PCDH15: variants seen among roughly 807,000 people sequenced by gnomAD.
PCDH15 encodes the protein protocadherin related 15, also known as protocadherin-15.
PCDH15 carries 129 observed loss-of-function variants against 178.5 expected under a neutral mutation model. The observed-to-expected ratio is 0.72, with a 90% CI of 0.63 to 0.84. PCDH15 has a LOEUF of 0.84. Among genes scored for constraint, PCDH15 ranks in the 40% least tolerant of loss-of-function variants. PCDH15 has a pLI of 0.00. For missense variants in PCDH15, 2,230 were observed against 2,099.9 expected (o/e 1.06, Z -1.21); for synonymous variants, 800 against 732.0 (o/e 1.09, Z -1.50).
chr10:55,009,051 C>T (rs1839993575), intron 2 of PCDH15, among the ~76,000 whole-genome samples: 1 of 152,088 alleles, frequency 6.6e-6, no homozygotes, highest in African/African-American at 2.4e-5. Flanking sequence ...TATCCGGTAC[C>T]TTGTAAATTA....
intron 2 of PCDH15, among the ~76,000 whole-genome samples, chr10:55,577,086 A>T (rs1842510670): frequency 6.6e-6 from 1 of 151,984 alleles, no homozygotes; most frequent in Admixed American, 6.6e-5. Context: ...TGCTAAAAAT[A>T]CAAAAATTAG....
chr10:55,531,675 G>A (rs1589115652), intron 2 of PCDH15, among the ~76,000 whole-genome samples: 1 of 151,986 alleles, frequency 6.6e-6, no homozygotes, highest in African/African-American at 2.4e-5. Flanking sequence ...TAAAATTATT[G>A]TGCAGGAATT....
At chr10:54,096,647 T>G (rs74135787) in intron 15 of PCDH15, among the ~76,000 whole-genome samples, 1 of 152,126 alleles carries the variant, frequency 6.6e-6, no homozygotes, top group Non-Finnish European at 1.5e-5. Flanking sequence ...TACACTTACA[T>G]AGTAGAAACA....
intron 3 of PCDH15, among the ~76,000 whole-genome samples, chr10:54,850,569 T>C (rs1289304701): frequency 6.6e-6 from 1 of 152,136 alleles, no homozygotes; most frequent in Non-Finnish European, 1.5e-5. Context: ...CTTAGGCATA[T>C]ATTTAATATT....
chr10:55,188,957 TA>T (rs1158707102), intron 1 of PCDH15, among the ~76,000 whole-genome samples: 1 of 151,748 alleles, frequency 6.6e-6, no homozygotes, highest in Admixed American at 6.6e-5. Context: ...AATCAACAAT[TA>T]AAAAAATAAA....
intron 1 of PCDH15, among the ~76,000 whole-genome samples, chr10:55,270,166 C>G (rs1842405070): frequency 6.6e-6 from 1 of 152,104 alleles, no homozygotes; most frequent in Non-Finnish European, 1.5e-5. Context: ...TGCAAGGCCT[C>G]AAATCCTATA....
intron 8 of PCDH15, among the ~76,000 whole-genome samples, chr10:54,264,258 C>T (rs979382149): frequency 1.3e-5 from 2 of 152,100 alleles, no homozygotes; most frequent in African/African-American, 4.8e-5. Flanking sequence ...AGAACTCTGA[C>T]TAATACAAAC....
At chr10:54,565,942 G>A (rs771912433) in intron 2 of PCDH15, among the ~76,000 whole-genome samples, 1 of 152,096 alleles carries the variant, frequency 6.6e-6, no homozygotes, top group Non-Finnish European at 1.5e-5. Context: ...AAATTAGCCA[G>A]GTGTGGTGAT....
At chr10:54,600,779 CCAGA>C (rs1412199111) in intron 2 of PCDH15, 11 of 444,362 alleles carry the variant, frequency 2.5e-5, no homozygotes, top group Non-Finnish European at 4.7e-5. Context: ...CATAGGGGCT[CCAGA>C]CATTGTATTT....
chr10:55,144,761 G>T (rs1158240487), intron 2 of PCDH15, among the ~76,000 whole-genome samples: 2 of 151,982 alleles, frequency 1.3e-5, no homozygotes, highest in African/African-American at 2.4e-5. Flanking sequence ...AACAAACAGG[G>T]TTATATAATT....
chr10:55,118,114 C>T (rs1394880125), intron 2 of PCDH15, among the ~76,000 whole-genome samples: 2 of 152,064 alleles, frequency 1.3e-5, no homozygotes, highest in East Asian at 3.9e-4. Context: ...ATCTGACACC[C>T]CAGCTGCCAT....
intron 2 of PCDH15, among the ~76,000 whole-genome samples, chr10:55,374,094 A>ATAATAG (rs1845566341): frequency 8.5e-6 from 1 of 117,816 alleles, no homozygotes; most frequent in African/African-American, 2.9e-5. Flanking sequence ...TATAATAATA[A>ATAATAG]TAATAATAAT....
intron 1 of PCDH15, among the ~76,000 whole-genome samples, chr10:54,752,125 T>C (rs1033188808): frequency 6.6e-6 from 1 of 152,180 alleles, no homozygotes; most frequent in Non-Finnish European, 1.5e-5. Context: ...GGAATATGTA[T>C]AAGCACTAAA....
chr10:54,117,217 G>A (rs749119540), intron 15 of PCDH15, among the ~76,000 whole-genome samples: 17 of 152,270 alleles, frequency 1.1e-4, no homozygotes, highest in Non-Finnish European at 1.9e-4. Flanking sequence ...TCCAGTCACT[G>A]AGCACAGCCA....
At chr10:53,960,433 T>G (rs1167728282) in intron 22 of PCDH15, among the ~76,000 whole-genome samples, 1 of 152,192 alleles carries the variant, frequency 6.6e-6, no homozygotes. Flanking sequence ...GTTCATTTGG[T>G]ATAGCAGAAA....
At chr10:54,774,007 C>CTTTTTTTTTTTTTTTTTTTTTTTTTTT (rs763704132) in intron 1 of PCDH15, among the ~76,000 whole-genome samples, 1 of 75,378 alleles carries the variant, frequency 1.3e-5, no homozygotes, top group Admixed American at 2.0e-4. Context: ...ACTTCATAGG[C>CTTTTTTTTTTTTTTTTTTTTTTTTTTT]TTTTTTTTTT....
intron 2 of PCDH15, among the ~76,000 whole-genome samples, chr10:55,622,807 C>A (rs1837434017): frequency 6.6e-6 from 1 of 152,088 alleles, no homozygotes. Flanking sequence ...GGCAAATGTC[C>A]TCTCCCCACT....
chr10:54,540,689 G>T (rs943083695), intron 2 of PCDH15, among the ~76,000 whole-genome samples: 2 of 152,006 alleles, frequency 1.3e-5, no homozygotes, highest in Non-Finnish European at 2.9e-5. Context: ...ACCAAAACCT[G>T]TTAAAGACAC....
At chr10:54,059,806 A>G (rs746832220) in intron 18 of PCDH15, among the ~76,000 whole-genome samples, 3 of 152,238 alleles carry the variant, frequency 2.0e-5, no homozygotes, top group Admixed American at 1.3e-4. Context: ...AATCCTGTAT[A>G]GTAGAGTGGT....
Sources: allele counts gnomAD v4.1 joint callset (sites outside exome capture counted in the v4.1 genomes callset), GRCh38; gene constraint gnomAD v4.1.1; transcripts MANE v1.5; gene names NCBI Gene and HGNC (gene_info 2026-07-23, HGNC 2026-07-21).